RPRD2: variants seen among roughly 807,000 people sequenced by gnomAD.
The protein encoded by RPRD2 is regulation of nuclear pre-mRNA domain containing 2, also known as regulation of nuclear pre-mRNA domain-containing protein 2.
RPRD2 carries 12 observed loss-of-function variants against 104.4 expected under a neutral mutation model. That is an observed-to-expected ratio of 0.11 (90% CI 0.07 to 0.19). The LOEUF is 0.19. Ranked by LOEUF, RPRD2 falls within the 10% of genes least tolerant of loss-of-function variation. RPRD2 has a pLI of 1.00. For missense variants in RPRD2, 1,543 were observed against 1,790.1 expected (o/e 0.86, Z 2.49); for synonymous variants, 714 against 684.9 (o/e 1.04, Z -0.66).
chr1:150,475,657 A>C lies in RPRD2; in HGVS notation c.*2323A>C, dbSNP rs1185628216. Reference sequence around the variant, plus strand: ...GAGGATTTGTATGAGACTGTCAGCTATTAATTTTAAGGAAATCTTAAAATT... The same window carrying C: ...GAGGATTTGTATGAGACTGTCAGCTCTTAATTTTAAGGAAATCTTAAAATT... On this transcript the variant is annotated 3_prime_UTR_variant, in exon 11 of 11. Coordinates refer to ENST00000369068, the MANE Select transcript of RPRD2 (RefSeq NM_015203.5). 1 of 152,614 alleles carries C rather than the reference A, an allele frequency of 6.6e-6. No homozygotes were observed. Among genetic ancestry groups the C allele is most frequent in the African/African-American group, 2.4e-5 (1 of 41,446 alleles). 9.5% of individuals were successfully genotyped at this position (152,614 alleles called of 1,614,324 possible). A position where few individuals can be genotyped will look rare whatever the true frequency, so the allele number is the denominator to read the frequency against.
intron 7 of RPRD2, among the ~76,000 whole-genome samples, chr1:150,453,267 A>C (rs369406711): frequency 7.9e-5 from 12 of 150,994 alleles, no homozygotes; most frequent in African/African-American, 2.4e-4. Flanking sequence ...TCCTGACCTC[A>C]TGATCTGTGC....
Position 150,473,199 on chromosome 1 carries a change from C to T in RPRD2, c.4251C>T (p.Pro1417=). The change falls in exon 11 of 11, where the codon CCC becomes CCT. Residue 1417 remains proline (P), a synonymous_variant. Coordinates refer to ENST00000369068, the MANE Select transcript of RPRD2 (RefSeq NM_015203.5). The stretch of plus-strand genomic sequence containing the variant: ...GGAGTGGTATAATCTTACGGAGTCC[C>T]CGGCCAGACTTTCGGCCTAGGGAAC... ...ISRSGIILRS[P]RPDFRPREPF... The T allele has an allele frequency of 6.2e-7, 1 of 1,614,010 alleles. No individual in the cohort carries two copies.
intron 1 of RPRD2, among the ~76,000 whole-genome samples, chr1:150,385,573 A>C (rs1661501819): frequency 6.6e-6 from 1 of 152,218 alleles, no homozygotes; most frequent in South Asian, 2.1e-4. Context: ...AAATATGTAA[A>C]TATTAAGTAT....
intron 1 of RPRD2, among the ~76,000 whole-genome samples, chr1:150,398,357 T>C (rs1035682624): frequency 3.0e-4 from 45 of 151,756 alleles, no homozygotes; most frequent in Admixed American, 1.7e-3. Context: ...CCACCACGCC[T>C]GGCTAATTTT....
intron 1 of RPRD2, among the ~76,000 whole-genome samples, chr1:150,411,313 T>C (rs1189107866): frequency 6.8e-6 from 1 of 147,204 alleles, no homozygotes; most frequent in African/African-American, 2.5e-5. Context: ...ATACAAAAAT[T>C]AGCCAGGCGT....
chr1:150,453,583 T>C (rs372532265), intron 7 of RPRD2, among the ~76,000 whole-genome samples: 6 of 152,356 alleles, frequency 3.9e-5, no homozygotes, highest in South Asian at 2.1e-4. Flanking sequence ...ACTATTTTCA[T>C]GAACATATTA....
At chr1:150,389,455 G>T (rs587672525) in intron 1 of RPRD2, among the ~76,000 whole-genome samples, 43 of 152,144 alleles carry the variant, frequency 2.8e-4, no homozygotes, top group African/African-American at 1.0e-3. Flanking sequence ...TGATTAGCTG[G>T]GGTTATTGTT....
At chr1:150,415,578 G>C (rs782287459) in intron 1 of RPRD2, among the ~76,000 whole-genome samples, 1 of 151,920 alleles carries the variant, frequency 6.6e-6, no homozygotes, top group Admixed American at 6.6e-5. Context: ...CCAGCTACTC[G>C]AGAGGCTTGA....
chr1:150,376,114 T>G (rs587644725), intron 1 of RPRD2, among the ~76,000 whole-genome samples: 1 of 152,362 alleles, frequency 6.6e-6, no homozygotes, highest in Admixed American at 6.5e-5. Context: ...TTAAAAATGC[T>G]TCATTCTTAT....
At chr1:150,372,488 A>AACACACACACACACAC (rs781938858) in intron 1 of RPRD2, among the ~76,000 whole-genome samples, 3 of 83,858 alleles carry the variant, frequency 3.6e-5, no homozygotes, top group Admixed American at 2.0e-4. Context: ...TGAAAAAAGA[A>AACACACACACACACAC]ACACACACAC....
At chr1:150,432,175 TAA>T (rs59749202) in intron 2 of RPRD2, among the ~76,000 whole-genome samples, 146 of 131,164 alleles carry the variant, frequency 1.1e-3, no homozygotes, top group East Asian at 4.1e-3. Context: ...CCCTAAATCT[TAA>T]AAAAAAAAAA....
At chr1:150,427,443 A>G (rs918604816) in intron 2 of RPRD2, among the ~76,000 whole-genome samples, 1 of 151,808 alleles carries the variant, frequency 6.6e-6, no homozygotes, top group Non-Finnish European at 1.5e-5. Flanking sequence ...ACTGCACTCC[A>G]GCCTGGGCAA....
chr1:150,471,401 A>C lies in RPRD2; in HGVS notation c.2453A>C (p.Gln818Pro). Residue 818 changes from glutamine (Q) to proline (P), a missense_variant, in exon 11 of 11, where the codon CAG becomes CCG. Physicochemically the swap from Gln to Pro is moderately conservative, Grantham distance 76. This residue lies in a region of RPRD2 where 880 missense variants were observed against 885.6 expected (regional missense o/e 0.99). Coordinates refer to ENST00000369068, the MANE Select transcript of RPRD2 (RefSeq NM_015203.5). This position sits in a 1 kb window ranked among gnomAD's most constrained non-coding sequence, Gnocchi z 5.3. The stretch of plus-strand genomic sequence containing the variant: ...CCATCTTCCCTGATGGACTCTTCAC[A>C]GGAAAAGTTCTACCCAGATACTTCT... ...ERPSSLMDSSQEKFYPDTSFQ... is the reference protein window; with the variant it reads ...ERPSSLMDSSPEKFYPDTSFQ... 6 of 1,613,884 alleles carry C rather than the reference A, an allele frequency of 3.7e-6. No individual in the cohort carries two copies. The highest frequency in any genetic ancestry group is 5.1e-6 in the Non-Finnish European group (6 of 1,179,874).
intron 1 of RPRD2, among the ~76,000 whole-genome samples, chr1:150,411,956 C>T (rs1233754728): frequency 1.3e-5 from 2 of 151,716 alleles, no homozygotes; most frequent in Admixed American, 6.6e-5. Flanking sequence ...TAAACCCTGT[C>T]TACTAAAAAT....
chr1:150,377,294 T>C (rs1337233017), intron 1 of RPRD2, among the ~76,000 whole-genome samples: 5 of 150,748 alleles, frequency 3.3e-5, no homozygotes, highest in African/African-American at 1.2e-4. Context: ...GATGGAATTA[T>C]AAGGAACTTA....
chr1:150,414,474 AG>A (rs111802234), intron 1 of RPRD2, among the ~76,000 whole-genome samples: 7,260 of 152,210 alleles, frequency 0.048, 431 homozygotes, highest in African/African-American at 0.13. Context: ...AAGAGTGCTC[AG>A]GAGAGAATCC....
chr1:150,454,847 GAAATA>G (rs1247652866), intron 7 of RPRD2, among the ~76,000 whole-genome samples: 2 of 151,898 alleles, frequency 1.3e-5, no homozygotes, highest in Non-Finnish European at 2.9e-5. Flanking sequence ...GACCCTGTCT[GAAATA>G]AAATAAAATA....
rs746166001 is a variant in RPRD2 at position 150,472,095 on chromosome 1, G to A, written c.3147G>A (p.Leu1049=). ...VSLSNLTQPS[L]TATDQQQQEE... ...TCTCAAACCTCACCCAACCCAGCTT[G>A]ACCGCCACTGATCAGCAGCAACAAG... Residue 1049 remains leucine, a synonymous_variant, in exon 11 of 11, where the codon TTG becomes TTA. Transcript: ENST00000369068. The A allele has an allele frequency of 6.2e-7, 1 of 1,613,810 alleles. No homozygotes were observed. The highest frequency in any genetic ancestry group is 2.2e-5 in the East Asian group (1 of 44,884).
intron 9 of RPRD2, among the ~76,000 whole-genome samples, chr1:150,461,979 A>G (rs1553898927): frequency 6.7e-6 from 1 of 149,046 alleles, no homozygotes; most frequent in Non-Finnish European, 1.5e-5. Context: ...TCCGTCTCAA[A>G]AAAAAACAAA....
Sources: gnomAD v4.1 joint callset for allele counts (sites outside exome capture counted in the v4.1 genomes callset) on GRCh38, gnomAD v4.1.1 for gene constraint, gnomAD v4.1.1 regional missense constraint, Gnocchi (gnomAD v3.1) non-coding constraint, MANE v1.5 for transcripts, NCBI Gene and HGNC (gene_info 2026-07-23, HGNC 2026-07-21) for gene names.